ADCY9: variants seen among roughly 807,000 people sequenced by gnomAD.
The protein encoded by ADCY9 is adenylate cyclase 9, also known as adenylate cyclase type 9.
ADCY9 carries 50 observed loss-of-function variants against 101.5 expected under a neutral mutation model. The observed-to-expected ratio is 0.49, with a 90% confidence interval of 0.39 to 0.62. The LOEUF is 0.62. Among genes scored for constraint, ADCY9 ranks in the 20% least tolerant of loss-of-function variants. The pLI, the probability that ADCY9 is intolerant of heterozygous loss-of-function variation, is 0.00. For synonymous variants in ADCY9, 905 were observed against 769.3 expected, an observed-to-expected ratio of 1.18 and a Z score of -2.92; for missense variants, 1,662 against 1,800.4, an observed-to-expected ratio of 0.92 and a Z score of 1.39.
At chr16:4,102,613 C>T (rs952661537) in intron 2 of ADCY9, among the ~76,000 whole-genome samples, 3 of 152,030 alleles carry the variant, frequency 2.0e-5, no homozygotes, top group East Asian at 1.9e-4. Flanking sequence ...TTAGTAGAGA[C>T]GGGGTTTCTC....
chr16:4,086,276 G>A (rs1402235526), intron 2 of ADCY9, among the ~76,000 whole-genome samples: 1 of 152,066 alleles, frequency 6.6e-6, no homozygotes, highest in Non-Finnish European at 1.5e-5. Context: ...CCTCTCCGGT[G>A]CCTTCCACAG....
At chr16:3,977,941 T>C (rs1422578544) in intron 8 of ADCY9, among the ~76,000 whole-genome samples, 22 of 152,172 alleles carry the variant, frequency 1.4e-4, no homozygotes, top group Admixed American at 1.4e-3. Context: ...GGTCTCGAAC[T>C]CCTGACCTCA....
At chr16:3,980,937 C>T (rs894213408) in intron 7 of ADCY9, among the ~76,000 whole-genome samples, 1 of 152,178 alleles carries the variant, frequency 6.6e-6, no homozygotes, top group Admixed American at 6.5e-5. Flanking sequence ...TGCAGGAAGC[C>T]TCCTGGAGGC....
At chr16:4,028,265 T>C (rs890919717) in intron 2 of ADCY9, among the ~76,000 whole-genome samples, 1 of 152,182 alleles carries the variant, frequency 6.6e-6, no homozygotes, top group Non-Finnish European at 1.5e-5. Context: ...TCCAAGCCTC[T>C]ACTCACGAGA....
At chr16:4,110,973 T>C (rs529208346) in intron 2 of ADCY9, among the ~76,000 whole-genome samples, 2 of 152,158 alleles carry the variant, frequency 1.3e-5, no homozygotes, top group Admixed American at 6.5e-5. Flanking sequence ...CGATCACGGA[T>C]CCTGCTCCAC....
intron 2 of ADCY9, among the ~76,000 whole-genome samples, chr16:4,013,638 C>G (rs1452689769): frequency 6.6e-6 from 1 of 152,186 alleles, no homozygotes; most frequent in Non-Finnish European, 1.5e-5. Context: ...ACGTCTTTCA[C>G]TTTGCATTGC....
chr16:3,995,058 T>C (rs1393036657), intron 3 of ADCY9, among the ~76,000 whole-genome samples: 1 of 152,212 alleles, frequency 6.6e-6, no homozygotes, highest in Non-Finnish European at 1.5e-5. Context: ...AGTCAAGTAC[T>C]TACTAGTTTG....
intron 2 of ADCY9, among the ~76,000 whole-genome samples, chr16:4,057,812 C>T (rs562792361): frequency 6.6e-6 from 1 of 152,208 alleles, no homozygotes; most frequent in East Asian, 1.9e-4. Context: ...CCCAGTGCTG[C>T]AAGAGTTGCT....
intron 2 of ADCY9, among the ~76,000 whole-genome samples, chr16:4,032,421 G>A (rs967969601): frequency 2.0e-5 from 3 of 152,092 alleles, no homozygotes; most frequent in African/African-American, 7.2e-5. Context: ...GTGCTCTCCT[G>A]CAACCTGCCT....
At chr16:4,007,263 C>G (rs938001907) in intron 3 of ADCY9, 105 bp downstream of exon 3, 3 of 963,236 alleles carry the variant, frequency 3.1e-6, no homozygotes, top group Non-Finnish European at 4.3e-6. Flanking sequence ...AAGGTCATTC[C>G]AAGTTGTTTG....
rs1216808067 is a variant in ADCY9, at chr16:3,963,358, C to CA, written c.*2416dup. On this transcript the variant is annotated 3_prime_UTR_variant, in exon 11 of 11. Transcript: ENST00000294016. Reference sequence around the variant, plus strand: ...GCACGATGTGCTCGCTGCCAACAGACAAGAGATGCACGGCGTTTCCGCTGC... The same window carrying CA: ...GCACGATGTGCTCGCTGCCAACAGACAAAGAGATGCACGGCGTTTCCGCTGC... 2.5e-6 allele frequency: 1 copy of CA among 398,774 alleles called. No homozygotes were observed. Among genetic ancestry groups the CA allele is most frequent in the Admixed American group, 4.4e-5 (1 of 22,698 alleles). The allele number at this position is 398,774 out of a possible 1,614,324, so 24.7% of individuals were successfully genotyped here.
Position 4,108,986 on chromosome 16 carries a change from A to G in ADCY9, c.1693+4764T>C, listed in dbSNP as rs1405827212. Among the ~76,000 whole-genome samples, 5 of 152,228 alleles carry G rather than the reference A, an allele frequency of 3.3e-5. No homozygotes were observed. In the East Asian group the frequency reaches 9.7e-4, roughly 29 times the overall value. On this transcript the variant is annotated intron_variant, in intron 2 of 10. Transcript: ENST00000294016. ...CTCCCAAAGTGTTGAGATTACAGGCATGAGCCACCATGCCTGGCCCCTCAC... is the reference window on the plus strand; with the variant it reads ...CTCCCAAAGTGTTGAGATTACAGGCGTGAGCCACCATGCCTGGCCCCTCAC...
chr16:3,984,170 T>C (rs2056170665), intron 6 of ADCY9: 1 of 152,242 alleles, frequency 6.6e-6, no homozygotes, highest in Non-Finnish European at 1.5e-5. Flanking sequence ...AGCTGCAAGA[T>C]GAGTTACTGA....
At chr16:3,989,392 T>C (rs538244681) in intron 5 of ADCY9, among the ~76,000 whole-genome samples, 4 of 152,178 alleles carry the variant, frequency 2.6e-5, no homozygotes, top group African/African-American at 9.6e-5. Context: ...TTTTTTTTTT[T>C]TGAGGCAAGG....
At chr16:3,980,401 G>A (rs2056131210) in intron 7 of ADCY9, among the ~76,000 whole-genome samples, 1 of 152,232 alleles carries the variant, frequency 6.6e-6, no homozygotes, top group Non-Finnish European at 1.5e-5. Context: ...ACATGGGGAG[G>A]TGAAGAGAAG....
intron 3 of ADCY9, among the ~76,000 whole-genome samples, chr16:3,998,971 G>T (rs2056311346): frequency 6.6e-6 from 1 of 151,354 alleles, no homozygotes; most frequent in African/African-American, 2.4e-5. Flanking sequence ...AATTTTCCTT[G>T]AGCGATTCAT....
Position 3,980,275 on chromosome 16 carries a change from T to TTCC in ADCY9, c.2520-1001_2520-1000insGGA, listed in dbSNP as rs1567420343. Among the ~76,000 whole-genome samples the TTCC allele has an allele frequency of 4.2e-5, 3 of 70,746 alleles. No individual in the cohort carries two copies. The East Asian group carries it at 1.5e-3, about 35-fold the overall frequency. The allele number at this position is 70,746 out of a possible 152,430, so 46.4% of individuals were successfully genotyped here. ...GGGCTTCGTTTCAGGAGTGTGATGT[T>TTCC]GACACAATAAAAGTTTCTGTATAAA... On this transcript the variant is annotated intron_variant, in intron 7 of 10. Coordinates refer to ENST00000294016, the MANE Select transcript of ADCY9 (RefSeq NM_001116.4).
At chr16:4,107,452 G>A (rs1267435372) in intron 2 of ADCY9, among the ~76,000 whole-genome samples, 1 of 150,706 alleles carries the variant, frequency 6.6e-6, no homozygotes, top group Non-Finnish European at 1.5e-5. Flanking sequence ...TTGGGAGGCT[G>A]AGGCAGGAGA....
At chr16:3,960,741 A>G (rs1268619746), downstream of ADCY9, among the ~76,000 whole-genome samples, 3 of 152,190 alleles carry the variant, frequency 2.0e-5, no homozygotes, top group African/African-American at 7.2e-5. Flanking sequence ...TCAGACTTTC[A>G]GGGCCAGCAG....
Sources: allele counts gnomAD v4.1 joint callset (sites outside exome capture counted in the v4.1 genomes callset), GRCh38; gene constraint gnomAD v4.1.1; transcripts MANE v1.5; gene names NCBI Gene and HGNC (gene_info 2026-07-23, HGNC 2026-07-21).